MACF1: variants seen among roughly 807,000 people sequenced by gnomAD.
MACF1 encodes microtubule-actin cross-linking factor 1.
Under a neutral mutation model 854.8 loss-of-function variants are expected in MACF1, and 193 were observed. The ratio of observed to expected loss-of-function variants is 0.23; its 90% CI spans 0.20 to 0.25. MACF1 has a LOEUF of 0.25. Among genes scored for constraint, MACF1 ranks in the 10% least tolerant of loss-of-function variants. The pLI is 1.00. For synonymous variants in MACF1, 3,185 were observed against 3,226.7 expected (o/e 0.99, Z 0.44); for missense variants, 7,722 against 8,929.1 (o/e 0.86, Z 5.45).
intron 31 of MACF1, among the ~76,000 whole-genome samples, chr1:39,321,611 A>C (rs1328454632): frequency 6.6e-6 from 1 of 152,206 alleles, no homozygotes; most frequent in East Asian, 1.9e-4. Context: ...TGACTATGGA[A>C]AATTAGCGGT....
At chr1:39,122,802 C>T (rs1642750181) in intron 2 of MACF1, among the ~76,000 whole-genome samples, 1 of 152,146 alleles carries the variant, frequency 6.6e-6, no homozygotes, top group Non-Finnish European at 1.5e-5. Flanking sequence ...GCATTCTCGC[C>T]AGAGTCACAA....
Position 39,282,374 on chromosome 1 carries a change from G to T in MACF1, c.695G>T (p.Arg232Leu), listed in dbSNP as rs749165369. 6.2e-7 allele frequency: 1 copy of T among 1,611,794 alleles called. No homozygotes were observed. The change falls in exon 7 of 101, where the codon CGA becomes CTA. Residue 232 changes from arginine (R) to leucine (L), a missense_variant and splice_region_variant. Arg to Leu is a moderately radical substitution (Grantham distance 102, BLOSUM62 -2). Transcript: ENST00000564288. ...KMFNALIHRY[R>L]PDLVDMERVQ... ...TTCAATGCACTCATTCACCGATACCGGTAAGAACAGTGGAATTTCTGTGCT... is the reference window on the plus strand; with the variant it reads ...TTCAATGCACTCATTCACCGATACCTGTAAGAACAGTGGAATTTCTGTGCT...
At chr1:39,292,142 AAAG>A in intron 16 of MACF1, 104 bp downstream of exon 16, 1 of 1,335,432 alleles carries the variant, frequency 7.5e-7, no homozygotes, top group Non-Finnish European at 1.0e-6. Flanking sequence ...GTGCTCTGGA[AAAG>A]AATAATGATG....
At chr1:39,412,992 C>G (rs1557639852) in intron 58 of MACF1, 1 of 1,584,836 alleles carries the variant, frequency 6.3e-7, no homozygotes, top group Non-Finnish European at 8.6e-7. Flanking sequence ...GGGCTACTGT[C>G]CCAGCTGTTA....
Position 39,293,892 on chromosome 1 carries a change from G to A in MACF1, c.2154+273G>A, listed in dbSNP as rs2152513. 7.1e-4 allele frequency among the ~76,000 whole-genome samples: 108 copies of A among 152,198 alleles called. 1 individual carries two copies. The highest frequency in any genetic ancestry group is 2.5e-3 in the African/African-American group (103 of 41,534). ...ATTGAGTCATTTCAGAAGCAATACA[G>A]CATTGTGGTTAAGATTATAGGCTTT... On this transcript the variant is annotated intron_variant, in intron 18 of 100. Transcript: ENST00000564288.
At chr1:39,352,965 G>A (rs1256586509) in intron 43 of MACF1, 42 bp from the exon 44 acceptor site, 1 of 1,424,036 alleles carries the variant, frequency 7.0e-7, no homozygotes. Flanking sequence ...GTATGATTGA[G>A]TATGTAAAGC....
intron 36 of MACF1, among the ~76,000 whole-genome samples, chr1:39,330,965 A>G (rs945405214): frequency 2.6e-5 from 4 of 151,732 alleles, no homozygotes; most frequent in Non-Finnish European, 4.4e-5. Flanking sequence ...CACCCAGCTA[A>G]TATTTTGTAT....
At chr1:39,181,940 C>G (rs1644108938) in intron 2 of MACF1, among the ~76,000 whole-genome samples, 1 of 152,080 alleles carries the variant, frequency 6.6e-6, no homozygotes, top group South Asian at 2.1e-4. Context: ...ATCACGAGAT[C>G]AGGAGTTCGA....
At chr1:39,104,475 T>C (rs892255390) in intron 2 of MACF1, among the ~76,000 whole-genome samples, 3 of 152,222 alleles carry the variant, frequency 2.0e-5, no homozygotes, top group Non-Finnish European at 4.4e-5. Context: ...TCCAGAGTCC[T>C]TTCTTTGTTC....
intron 58 of MACF1, among the ~76,000 whole-genome samples, chr1:39,407,957 T>A (rs1642778578): frequency 6.6e-6 from 1 of 152,224 alleles, no homozygotes; most frequent in South Asian, 2.1e-4. Flanking sequence ...GTTTCCTGGG[T>A]TGCCCTTTGT....
At chr1:39,297,770 A>T in intron 21 of MACF1, 25 bp downstream of exon 21, 2 of 1,612,696 alleles carry the variant, frequency 1.2e-6, no homozygotes, top group Non-Finnish European at 1.7e-6. Flanking sequence ...AGTGGGGATG[A>T]TTACTTCTGA....
At chr1:39,237,168 A>G (rs538285364) in intron 2 of MACF1, among the ~76,000 whole-genome samples, 2 of 152,182 alleles carry the variant, frequency 1.3e-5, no homozygotes, top group Admixed American at 1.3e-4. Context: ...CTCCTTGCTT[A>G]TTTATTTCTC....
Position 39,470,968 on chromosome 1 carries a change from A to C in MACF1, c.21958+1353A>C, listed in dbSNP as rs115897420. ...CTTTGTCCTTATCTTAGTATCTAAA[A>C]TTTGGAACCCCAAGGAAATTGGGGA... is the stretch of plus-strand genomic sequence containing the variant. On this transcript the variant is annotated intron_variant, in intron 97 of 100. Coordinates refer to ENST00000564288, the MANE Select transcript of MACF1 (RefSeq NM_001394062.1). Among the ~76,000 whole-genome samples the C allele has an allele frequency of 6.0e-3, 910 of 152,310 alleles. 7 individuals carry two copies. Among genetic ancestry groups the C allele is most frequent in the African/African-American group, 0.021 (870 of 41,568 alleles).
intron 23 of MACF1, among the ~76,000 whole-genome samples, chr1:39,307,164 C>T (rs1646198553): frequency 6.6e-6 from 1 of 152,052 alleles, no homozygotes; most frequent in African/African-American, 2.4e-5. Flanking sequence ...TGTGAGCCAC[C>T]ATGCCCGCCT....
intron 60 of MACF1, 40 bp downstream of exon 60, chr1:39,422,940 A>G (rs1410309673): frequency 3.2e-6 from 5 of 1,573,032 alleles, no homozygotes; most frequent in East Asian, 4.5e-5. Context: ...TAACAGCCGT[A>G]GGGAGTAGTA....
At chr1:39,343,800 A>G (rs1170803969) in intron 40 of MACF1, among the ~76,000 whole-genome samples, 1 of 152,212 alleles carries the variant, frequency 6.6e-6, no homozygotes, top group East Asian at 1.9e-4. Flanking sequence ...GGCAAGTTTT[A>G]GAGCAGGAGT....
At position 39,333,225 on chromosome 1, in the gene MACF1, C is replaced by T; in HGVS notation, c.6637C>T (p.Leu2213=). The T allele has an allele frequency of 6.2e-7, 1 of 1,612,546 alleles. No individual in the cohort carries two copies. Among genetic ancestry groups the T allele is most frequent in the Non-Finnish European group, 8.5e-7 (1 of 1,179,640 alleles). ...VKKTLGIKLE[L]KSETDGNVHP... is the part of the protein sequence containing the mutation. ...GAAAACTCTAGGTATAAAGTTAGAA[C>T]TAAAGTCTGAAACTGATGGGAATGT... is the stretch of plus-strand genomic sequence containing the variant. Residue 2213 remains leucine (L), a synonymous_variant, in exon 37 of 101, where the codon CTA becomes TTA. Coordinates refer to ENST00000564288, the MANE Select transcript of MACF1 (RefSeq NM_001394062.1).
Position 39,187,850 on chromosome 1 carries a change from C to CTCTCTCTCTCTTTCTG in MACF1, c.221-43321_221-43320insTTCTGTCTCTCTCTCT, listed in dbSNP as rs1553160165. ...AGGATATTAATTAGAGGCTGTCTTT[C>CTCTCTCTCTCTTTCTG]TCTCTCTCTCTCTCTGTCTCTCTCT... On this transcript the variant is annotated intron_variant, in intron 2 of 93. Transcript: ENST00000361689. Among the ~76,000 whole-genome samples the CTCTCTCTCTCTTTCTG allele has an allele frequency of 4.7e-5, 5 of 106,424 alleles. No homozygotes were observed. The South Asian group carries it at 1.6e-3, about 33-fold the overall frequency. 69.8% of individuals were successfully genotyped at this position (106,424 alleles called of 152,430 possible). A position where few individuals can be genotyped will look rare whatever the true frequency, so the allele number is the denominator to read the frequency against.
In MACF1 at chr1:39,257,950, T is replaced by C; in HGVS notation, c.450T>C (p.Asn150=). 1.2e-6 allele frequency: 2 copies of C among 1,613,614 alleles called. No individual in the cohort carries two copies. Among genetic ancestry groups the C allele is most frequent in the Non-Finnish European group, 1.7e-6 (2 of 1,179,516 alleles). ...TTCTTTTTCAGGTGAAACTAGTGAA[T>C]ATTCGCAATGATGACATCACAGATG... ...FLKQRQVKLV[N]IRNDDITDGN... Residue 150 remains asparagine, a synonymous_variant, in exon 6 of 101, where the codon AAT becomes AAC. Coordinates refer to ENST00000564288, the MANE Select transcript of MACF1 (RefSeq NM_001394062.1).
Sources: allele counts gnomAD v4.1 joint callset (sites outside exome capture counted in the v4.1 genomes callset), GRCh38; gene constraint gnomAD v4.1.1; transcripts MANE v1.5; gene names NCBI Gene and HGNC (gene_info 2026-07-23, HGNC 2026-07-21).